CDH12: variants seen among roughly 807,000 people sequenced by gnomAD.
CDH12 encodes the protein cadherin-12.
CDH12 carries 41 observed loss-of-function variants against 74.1 expected under a neutral mutation model. That is an observed-to-expected ratio of 0.55 (90% confidence interval 0.43 to 0.72). The LOEUF is 0.72. Ranked by LOEUF, CDH12 falls within the 30% of genes least tolerant of loss-of-function variation. CDH12 has a pLI of 0.00. For synonymous variants in CDH12, 399 were observed against 355.0 expected (o/e 1.12, Z -1.39); for missense variants, 945 against 977.2 (o/e 0.97, Z 0.44).
At chr5:22,627,261 G>A (rs1467063431) in intron 1 of CDH12, among the ~76,000 whole-genome samples, 1 of 151,922 alleles carries the variant, frequency 6.6e-6, no homozygotes, top group Non-Finnish European at 1.5e-5. Flanking sequence ...TACTATACAG[G>A]ATGATTATCC....
intron 1 of CDH12, among the ~76,000 whole-genome samples, chr5:22,798,722 T>C (rs1748355008): frequency 1.3e-5 from 2 of 152,120 alleles, no homozygotes; most frequent in South Asian, 4.2e-4. Flanking sequence ...TGAATATTCT[T>C]ACTTAATAAT....
intron 6 of CDH12, among the ~76,000 whole-genome samples, chr5:21,863,478 C>A (rs919395308): frequency 6.6e-6 from 1 of 152,104 alleles, no homozygotes; most frequent in Non-Finnish European, 1.5e-5. Flanking sequence ...TCATATTTAT[C>A]TTTATACACC....
intron 2 of CDH12, among the ~76,000 whole-genome samples, chr5:22,406,421 T>C (rs1580614750): frequency 6.6e-6 from 1 of 152,248 alleles, no homozygotes; most frequent in East Asian, 1.9e-4. Context: ...AACCAATTAA[T>C]TGTATTCCTC....
At chr5:22,170,908 G>A (rs1051462092) in intron 4 of CDH12, among the ~76,000 whole-genome samples, 2 of 151,776 alleles carry the variant, frequency 1.3e-5, no homozygotes, top group Non-Finnish European at 2.9e-5. Flanking sequence ...TAATTAAGCA[G>A]CAGTTGGTAG....
intron 1 of CDH12, among the ~76,000 whole-genome samples, chr5:22,535,604 T>C (rs1454830128): frequency 6.6e-6 from 1 of 152,220 alleles, no homozygotes; most frequent in African/African-American, 2.4e-5. Flanking sequence ...AAGAATTTGA[T>C]TTAAAAAGCT....
At chr5:22,424,291 T>C (rs1307550515) in intron 2 of CDH12, among the ~76,000 whole-genome samples, 4 of 152,086 alleles carry the variant, frequency 2.6e-5, no homozygotes, top group Non-Finnish European at 4.4e-5. Flanking sequence ...AAATAGGATA[T>C]AATCAGAGGA....
chr5:22,074,238 G>A (rs1162463568), intron 5 of CDH12, among the ~76,000 whole-genome samples: 1 of 152,146 alleles, frequency 6.6e-6, no homozygotes, highest in Non-Finnish European at 1.5e-5. Context: ...AATAAATGGT[G>A]CTGGGAAAAC....
intron 1 of CDH12, among the ~76,000 whole-genome samples, chr5:22,638,004 T>C (rs563238031): frequency 1.3e-5 from 2 of 152,292 alleles, no homozygotes; most frequent in Admixed American, 6.5e-5. Context: ...AATTCACTCA[T>C]ACAAGCACAC....
intron 5 of CDH12, among the ~76,000 whole-genome samples, chr5:21,987,422 A>G (rs1443722345): frequency 6.6e-6 from 1 of 152,268 alleles, no homozygotes; most frequent in East Asian, 1.9e-4. Context: ...CACAGTCTCT[A>G]TTGTTAGCTG....
chr5:21,900,435 A>G (rs1328625696), intron 6 of CDH12, among the ~76,000 whole-genome samples: 1 of 152,200 alleles, frequency 6.6e-6, no homozygotes, highest in Admixed American at 6.5e-5. Context: ...AAATAATTAA[A>G]ATGCCAAAGG....
At chr5:22,282,907 A>C (rs915984317) in intron 3 of CDH12, among the ~76,000 whole-genome samples, 4 of 152,142 alleles carry the variant, frequency 2.6e-5, no homozygotes, top group African/African-American at 4.8e-5. Context: ...CCAAAGGATT[A>C]TAAATCATTC....
chr5:21,881,684 C>T (rs370726816), intron 6 of CDH12, among the ~76,000 whole-genome samples: 9 of 152,094 alleles, frequency 5.9e-5, no homozygotes, highest in South Asian at 2.1e-4. Context: ...GGTTAAACTT[C>T]GTATCATTTT....
intron 13 of CDH12, among the ~76,000 whole-genome samples, chr5:21,757,333 G>T (rs996519891): frequency 2.6e-5 from 4 of 151,876 alleles, no homozygotes; most frequent in Non-Finnish European, 5.9e-5. Flanking sequence ...CTGCCACCAC[G>T]CCCAGCGAAT....
chr5:22,570,229 T>C (rs955300792), intron 1 of CDH12, among the ~76,000 whole-genome samples: 3 of 151,846 alleles, frequency 2.0e-5, no homozygotes, highest in African/African-American at 7.3e-5. Context: ...CTAATTTTTG[T>C]ATTTTTACTA....
intron 1 of CDH12, among the ~76,000 whole-genome samples, chr5:22,687,924 T>C (rs529057543): frequency 4.6e-5 from 7 of 152,202 alleles, no homozygotes; most frequent in Non-Finnish European, 1.0e-4. Flanking sequence ...TCTGTCTCTT[T>C]CATAGTCTTG....
At chr5:22,004,806 C>G (rs969571757) in intron 5 of CDH12, among the ~76,000 whole-genome samples, 1 of 152,078 alleles carries the variant, frequency 6.6e-6, no homozygotes, top group Admixed American at 6.6e-5. Flanking sequence ...TCCCTCCTAT[C>G]CTCCCCACTT....
chr5:22,712,270 A>G (rs1743327959), intron 1 of CDH12, among the ~76,000 whole-genome samples: 1 of 152,120 alleles, frequency 6.6e-6, no homozygotes, highest in African/African-American at 2.4e-5. Context: ...ATGCTTTGAC[A>G]TAAAAAAGTG....
intron 1 of CDH12, among the ~76,000 whole-genome samples, chr5:22,779,570 CCCA>C (rs1223104472): frequency 6.6e-6 from 1 of 152,120 alleles, no homozygotes; most frequent in Admixed American, 6.6e-5. Flanking sequence ...CCCCATAATC[CCCA>C]CATCGAGGGA....
chr5:22,373,783 A>G lies in CDH12; in HGVS notation c.-333+31474T>C, dbSNP rs112247588. 3.8e-3 allele frequency among the ~76,000 whole-genome samples: 575 copies of G among 152,324 alleles called. 6 individuals are homozygous for G. Among genetic ancestry groups the G allele is most frequent in the African/African-American group, 0.013 (534 of 41,570 alleles). On this transcript the variant is annotated intron_variant, in intron 3 of 14. Coordinates refer to ENST00000382254, the MANE Select transcript of CDH12 (RefSeq NM_004061.5). ...CCAACAACATATATACATCTTTAGGAAAACAATCCTTCCCTATGAAAGCAA... is the reference window on the plus strand; with the variant it reads ...CCAACAACATATATACATCTTTAGGGAAACAATCCTTCCCTATGAAAGCAA...
Sources: allele counts gnomAD v4.1 joint callset (sites outside exome capture counted in the v4.1 genomes callset), GRCh38; gene constraint gnomAD v4.1.1; transcripts MANE v1.5; gene names NCBI Gene and HGNC (gene_info 2026-07-23, HGNC 2026-07-21).